The following XIRP2 variants were observed in gnomAD, a reference collection of about 807,000 sequenced individuals.
XIRP2 encodes the protein xin actin-binding repeat-containing protein 2.
In XIRP2, 236 loss-of-function variants were observed where a neutral mutation model predicts 277.0. The observed-to-expected ratio is 0.85, with a 90% CI of 0.77 to 0.95. The LOEUF (loss-of-function observed/expected upper bound fraction) is 0.95. Ranked by LOEUF, XIRP2 falls within the 40% of genes least tolerant of loss-of-function variation. The probability of loss-of-function intolerance (pLI) is 0.00; values close to 1 mark genes in which losing one functional copy is unlikely to be tolerated. For synonymous variants in XIRP2, 1,490 were observed against 1,416.5 expected (o/e 1.05, Z -1.17); for missense variants, 4,640 against 4,157.5 (o/e 1.12, Z -3.19).
At chr2:166,890,073 G>T (rs1359206936) in intron 1 of XIRP2, among the ~76,000 whole-genome samples, 1 of 151,042 alleles carries the variant, frequency 6.6e-6, no homozygotes, top group East Asian at 2.0e-4. Flanking sequence ...TCGGCTCACT[G>T]CAACGTCCAC....
chr2:167,084,453 C>T (rs1689859371), intron 2 of XIRP2, among the ~76,000 whole-genome samples: 1 of 151,176 alleles, frequency 6.6e-6, no homozygotes, highest in Non-Finnish European at 1.5e-5. Flanking sequence ...ATGCTGGCCT[C>T]ATAAAATGAG....
Position 167,109,657 on chromosome 2 carries a change from G to A in XIRP2, c.409-26252G>A, listed in dbSNP as rs368770149. ...CCATGTCTTTGCTGTTGTGAATAGC[G>A]CTGCGATGAACATATATATGCATGT... On this transcript the variant is annotated intron_variant, in intron 2 of 10. Transcript: ENST00000409195. 7.8e-4 allele frequency among the ~76,000 whole-genome samples: 119 copies of A among 152,120 alleles called. 2 individuals carry two copies. Among genetic ancestry groups the A allele is most frequent in the East Asian group, 5.8e-4 (3 of 5,198 alleles).
At chr2:166,961,147 C>T (rs562279056) in intron 2 of XIRP2, among the ~76,000 whole-genome samples, 23 of 151,822 alleles carry the variant, frequency 1.5e-4, no homozygotes, top group African/African-American at 5.5e-4. Flanking sequence ...AGAATTACCC[C>T]TCACTTCTGG....
intron 2 of XIRP2, among the ~76,000 whole-genome samples, chr2:166,908,728 C>G (rs931843108): frequency 2.0e-5 from 3 of 152,152 alleles, no homozygotes; most frequent in Admixed American, 1.3e-4. Context: ...AGGTTTTCTT[C>G]TAGGGTTTTT....
At chr2:167,253,988 T>C in intron 9 of XIRP2, 44 bp from the exon 10 acceptor site, 1 of 1,523,106 alleles carries the variant, frequency 6.6e-7, no homozygotes, top group Non-Finnish European at 8.8e-7. Context: ...TACAATATGA[T>C]TGAAGATAAC....
chr2:167,180,305 C>T (rs915188492), intron 3 of XIRP2, among the ~76,000 whole-genome samples: 8 of 151,890 alleles, frequency 5.3e-5, no homozygotes, highest in Non-Finnish European at 8.8e-5. Context: ...TTGCTCTTTC[C>T]TCCTCTGAAA....
At chr2:167,081,983 A>T (rs1558972326) in intron 2 of XIRP2, among the ~76,000 whole-genome samples, 1 of 151,238 alleles carries the variant, frequency 6.6e-6, no homozygotes, top group Admixed American at 6.6e-5. Context: ...TTTAGGGTAC[A>T]TGTGCACAGT....
chr2:167,129,408 C>T (rs531668401), intron 2 of XIRP2, among the ~76,000 whole-genome samples: 5 of 152,248 alleles, frequency 3.3e-5, no homozygotes, highest in African/African-American at 1.2e-4. Context: ...GGGCAACCTG[C>T]TTTCTTTTCA....
chr2:167,081,559 T>C (rs1689737808), intron 2 of XIRP2, among the ~76,000 whole-genome samples: 1 of 152,216 alleles, frequency 6.6e-6, no homozygotes, highest in Non-Finnish European at 1.5e-5. Flanking sequence ...AATAGTCAGA[T>C]TAATTAAAAA....
At chr2:167,060,973 C>G (rs1689159002) in intron 2 of XIRP2, among the ~76,000 whole-genome samples, 1 of 152,064 alleles carries the variant, frequency 6.6e-6, no homozygotes, top group Admixed American at 6.6e-5. Context: ...TACATCTGAA[C>G]TATGTTGAAC....
intron 2 of XIRP2, among the ~76,000 whole-genome samples, chr2:166,921,312 C>CT (rs925509512): frequency 6.6e-6 from 1 of 152,056 alleles, no homozygotes; most frequent in African/African-American, 2.4e-5. Context: ...TCGTTGTACT[C>CT]TTTTTCATTC....
chr2:167,096,744 G>A (rs1690329436), intron 2 of XIRP2, among the ~76,000 whole-genome samples: 1 of 152,240 alleles, frequency 6.6e-6, no homozygotes, highest in East Asian at 1.9e-4. Context: ...GGTACATTGT[G>A]TCTTTGTTAT....
At chr2:167,149,445 A>C (rs1691950499) in intron 3 of XIRP2, among the ~76,000 whole-genome samples, 1 of 152,176 alleles carries the variant, frequency 6.6e-6, no homozygotes. Flanking sequence ...CCATGTAAAC[A>C]TCAATGAAGA....
intron 2 of XIRP2, among the ~76,000 whole-genome samples, chr2:167,111,268 G>C (rs1217967616): frequency 6.6e-6 from 1 of 152,158 alleles, no homozygotes; most frequent in African/African-American, 2.4e-5. Context: ...TCAAGAGAAT[G>C]CTTCTAGCTT....
intron 2 of XIRP2, among the ~76,000 whole-genome samples, chr2:167,132,681 C>T (rs1178210266): frequency 6.6e-6 from 1 of 152,168 alleles, no homozygotes; most frequent in Non-Finnish European, 1.5e-5. Flanking sequence ...CTCCCTGCTC[C>T]CACCTACTCT....
chr2:167,248,939 C>T lies in XIRP2; in HGVS notation c.7547C>T (p.Ala2516Val), dbSNP rs199864325. 2.2e-4 allele frequency: 357 copies of T among 1,613,686 alleles called. 1 individual carries two copies. The African/African-American group carries it at 2.2e-3, about 10-fold the overall frequency. ...TCAGCACCCAGGAAAAAACAGATTG[C>T]GCCTCTTATAAAATCTCATTCATTT... Reference protein sequence around the residue: ...GTSAPRKKQIAPLIKSHSFPE... With the variant: ...GTSAPRKKQIVPLIKSHSFPE... The change falls in exon 9 of 11, where the codon GCG becomes GTG. Residue 2516 changes from alanine to valine, a missense_variant. Coordinates refer to ENST00000409195, the MANE Select transcript of XIRP2 (RefSeq NM_152381.6).
chr2:166,955,054 TACCCCGGA>T lies in XIRP2; in HGVS notation c.408+51167_408+51174del, dbSNP rs1489077977. ...AACAAACCTGCACATCCTGTACATG[TACCCCGGA>T]ACTTATAAAATAAAATAATTGTTTC... On this transcript the variant is annotated intron_variant, in intron 2 of 10. Coordinates refer to ENST00000409195, the MANE Select transcript of XIRP2 (RefSeq NM_152381.6). Among the ~76,000 whole-genome samples, 3 of 151,902 alleles carry T rather than the reference TACCCCGGA, an allele frequency of 2.0e-5. No individual in the cohort carries two copies. The East Asian group carries it at 5.8e-4, about 30-fold the overall frequency.
chr2:167,251,528 C>T lies in XIRP2; in HGVS notation c.10136C>T (p.Thr3379Ile), dbSNP rs200915726. 36 of 1,613,480 alleles carry T rather than the reference C, an allele frequency of 2.2e-5. No individual in the cohort carries two copies. The highest frequency in any genetic ancestry group is 3.0e-5 in the Non-Finnish European group (35 of 1,179,614). ...TTTTGTAAGGAGGAATTTGGATTAA[C>T]ATCTTTAGGAAACACGAGTTTTACA... ...RTFCKEEFGL[T>I]SLGNTSFTDF... Residue 3379 changes from threonine to isoleucine, a missense_variant, in exon 9 of 11, where the codon ACA becomes ATA. By Grantham distance (89) the Thr-to-Ile change is moderately conservative. Coordinates refer to ENST00000409195, the MANE Select transcript of XIRP2 (RefSeq NM_152381.6).
At chr2:166,968,430 A>G (rs1399890980) in intron 2 of XIRP2, among the ~76,000 whole-genome samples, 1 of 152,022 alleles carries the variant, frequency 6.6e-6, no homozygotes, top group Non-Finnish European at 1.5e-5. Context: ...GTCCTTTAAA[A>G]ATTTAAAATA....
Sources: allele counts gnomAD v4.1 joint callset (sites outside exome capture counted in the v4.1 genomes callset), GRCh38; gene constraint gnomAD v4.1.1; transcripts MANE v1.5; gene names NCBI Gene and HGNC (gene_info 2026-07-23, HGNC 2026-07-21).